The following SLC15A2 variants were observed in gnomAD, a reference collection of about 807,000 sequenced individuals.
SLC15A2 encodes kidney H(+)/peptide cotransporter.
SLC15A2 carries 77 observed loss-of-function variants against 95.5 expected under a neutral mutation model. The observed-to-expected ratio is 0.81, with a 90% confidence interval of 0.67 to 0.97. SLC15A2 has a LOEUF of 0.97. Among genes scored for constraint, SLC15A2 ranks in the 50% least tolerant of loss-of-function variants. The probability of loss-of-function intolerance (pLI) is 0.00; values close to 1 mark genes in which losing one functional copy is unlikely to be tolerated. For missense variants in SLC15A2, 893 were observed against 874.4 expected, an observed-to-expected ratio of 1.02 and a Z score of -0.27; for synonymous variants, 306 against 306.9, an observed-to-expected ratio of 1.00 and a Z score of 0.03.
At chr3:121,908,802 T>C (rs1709705998) in intron 3 of SLC15A2, among the ~76,000 whole-genome samples, 4 of 152,204 alleles carry the variant, frequency 2.6e-5, no homozygotes, top group African/African-American at 9.6e-5. Flanking sequence ...CATTAACTTG[T>C]TCATGATAAA....
intron 3 of SLC15A2, among the ~76,000 whole-genome samples, chr3:121,905,807 A>G (rs913425663): frequency 6.6e-6 from 1 of 152,218 alleles, no homozygotes; most frequent in Admixed American, 6.5e-5. Flanking sequence ...TGTGGTACTG[A>G]GAAGAATGTA....
intron 3 of SLC15A2, among the ~76,000 whole-genome samples, chr3:121,909,567 C>T (rs1433410956): frequency 2.0e-5 from 3 of 152,048 alleles, no homozygotes; most frequent in Non-Finnish European, 4.4e-5. Flanking sequence ...CCATTAGTTT[C>T]CTCTCTTATA....
intron 11 of SLC15A2, 65 bp from the exon 12 acceptor site, chr3:121,924,286 C>A: frequency 7.2e-7 from 1 of 1,391,134 alleles, no homozygotes; most frequent in Non-Finnish European, 1.0e-6. Flanking sequence ...AATTATTGAT[C>A]TAGGCCAACA....
intron 19 of SLC15A2, among the ~76,000 whole-genome samples, chr3:121,936,336 C>G (rs1390585237): frequency 2.0e-5 from 3 of 152,064 alleles, no homozygotes; most frequent in East Asian, 1.9e-4. Context: ...CTTTCTGTCT[C>G]TTTGATCTGT....
At chr3:121,905,676 C>A (rs1159303889) in intron 3 of SLC15A2, among the ~76,000 whole-genome samples, 1 of 152,114 alleles carries the variant, frequency 6.6e-6, no homozygotes, top group Non-Finnish European at 1.5e-5. Context: ...GTTTCTTAAT[C>A]CTGAGTTCTA....
intron 3 of SLC15A2, among the ~76,000 whole-genome samples, chr3:121,898,987 G>A (rs1709473045): frequency 6.6e-6 from 1 of 152,138 alleles, no homozygotes; most frequent in African/African-American, 2.4e-5. Flanking sequence ...TACATATGTA[G>A]TAGTAGTCAC....
intron 3 of SLC15A2, among the ~76,000 whole-genome samples, chr3:121,903,164 G>A (rs1012420198): frequency 6.6e-6 from 1 of 152,208 alleles, no homozygotes; most frequent in Admixed American, 6.5e-5. Context: ...TTTGAAAAGT[G>A]TCTGTTCATA....
intron 7 of SLC15A2, among the ~76,000 whole-genome samples, chr3:121,918,077 T>A (rs1299374023): frequency 6.6e-6 from 1 of 152,226 alleles, no homozygotes; most frequent in Non-Finnish European, 1.5e-5. Flanking sequence ...CAATGATGTT[T>A]CTATAATGTA....
chr3:121,900,993 T>A (rs1709509239), intron 3 of SLC15A2, among the ~76,000 whole-genome samples: 1 of 149,298 alleles, frequency 6.7e-6, no homozygotes, highest in African/African-American at 2.4e-5. Flanking sequence ...ATATAATATG[T>A]ATAATATATA....
rs369991905 is a variant in SLC15A2 at position 121,911,643 on chromosome 3, A to C, written c.405A>C (p.Ile135=). 2.3e-5 allele frequency: 37 copies of C among 1,612,514 alleles called. No individual in the cohort carries two copies. The highest frequency in any genetic ancestry group is 3.1e-5 in the Non-Finnish European group (36 of 1,178,608). The change falls in exon 4 of 22, where the codon ATA becomes ATC. Residue 135 remains isoleucine (I), a synonymous_variant. Coordinates refer to ENST00000489711, the MANE Select transcript of SLC15A2 (RefSeq NM_021082.4). The part of the protein sequence containing the change: ...HVIKSLGALP[I]LGGQVVHTVL... ...TCAAGTCCTTGGGTGCCTTACCAAT[A>C]CTGGGAGGACAAGTGGTACACACGT...
Position 121,894,859 on chromosome 3 carries a change from A to G in SLC15A2, c.105+278A>G, listed in dbSNP as rs909025608. On this transcript the variant is annotated intron_variant, in intron 1 of 21. Transcript: ENST00000489711. Reference sequence around the variant, plus strand: ...TCCCTGGGGGAAAAAAGCAATTCGAATGTCCAGGGAAACTTGGCAAGCATT... The same window carrying G: ...TCCCTGGGGGAAAAAAGCAATTCGAGTGTCCAGGGAAACTTGGCAAGCATT... Among the ~76,000 whole-genome samples, 5 of 152,284 alleles carry G rather than the reference A, an allele frequency of 3.3e-5. No individual in the cohort carries two copies. In the East Asian group the frequency reaches 9.6e-4, roughly 29 times the overall value.
At chr3:121,904,258 A>G (rs1316088211) in intron 3 of SLC15A2, among the ~76,000 whole-genome samples, 3 of 152,146 alleles carry the variant, frequency 2.0e-5, no homozygotes, top group Non-Finnish European at 2.9e-5. Context: ...GGGCTGAGAC[A>G]GTGGGGTTTT....
At chr3:121,925,775 TATATATAA>T (rs1159738357) in intron 13 of SLC15A2, among the ~76,000 whole-genome samples, 1,877 of 39,668 alleles carry the variant, frequency 0.047, 328 homozygotes, top group East Asian at 0.071. Flanking sequence ...TATATATATA[TATATATAA>T]AATACAACTA....
chr3:121,931,969 G>A (rs1167057347), intron 19 of SLC15A2, among the ~76,000 whole-genome samples: 5 of 151,976 alleles, frequency 3.3e-5, no homozygotes, highest in South Asian at 2.1e-4. Context: ...GCACCATCTC[G>A]ACTCACTGCA....
rs778695867 is a variant in SLC15A2 at position 121,929,032 on chromosome 3, T to A, written c.1392T>A (p.Phe464Leu). 1.2e-6 allele frequency: 2 copies of A among 1,614,128 alleles called. No homozygotes were observed. The highest frequency in any genetic ancestry group is 1.7e-5 in the Admixed American group (1 of 60,018). Reference sequence around the variant, plus strand: ...ACCTGAAAACAAAAAGCCAGGATTTTCACTTCCACCTGAAATATCACAATT... The same window carrying A: ...ACCTGAAAACAAAAAGCCAGGATTTACACTTCCACCTGAAATATCACAATT... ...KLHLKTKSQDFHFHLKYHNLS... is the reference protein window; with the variant it reads ...KLHLKTKSQDLHFHLKYHNLS... Residue 464 changes from phenylalanine (F) to leucine (L), a missense_variant, in exon 16 of 22, where the codon TTT becomes TTA. Transcript: ENST00000489711.
chr3:121,919,038 A>G (rs1709952274), intron 7 of SLC15A2, among the ~76,000 whole-genome samples: 1 of 152,196 alleles, frequency 6.6e-6, no homozygotes, highest in Non-Finnish European at 1.5e-5. Context: ...GACAAGGGGA[A>G]CACGGTGGCG....
rs199522806 is a variant in SLC15A2 at position 121,924,980 on chromosome 3, G to A, written c.1071G>A (p.Pro357=). The A allele has an allele frequency of 6.9e-5, 112 of 1,613,006 alleles. No homozygotes were observed. The highest frequency in any genetic ancestry group is 5.1e-4 in the East Asian group (23 of 44,862). ...LNPLLVLIFI[P]LFDFVIYRLV... ...CCCTTCTGGTTCTTATCTTCATCCC[G>A]TTGTTTGACTTTGTCATTTATCGTC... is the stretch of plus-strand genomic sequence containing the variant. Residue 357 remains proline (P), a synonymous_variant, in exon 13 of 22, where the codon CCG becomes CCA. Coordinates refer to ENST00000489711, the MANE Select transcript of SLC15A2 (RefSeq NM_021082.4).
intron 3 of SLC15A2, among the ~76,000 whole-genome samples, chr3:121,908,211 G>C (rs1460747064): frequency 4.6e-5 from 7 of 152,246 alleles, no homozygotes; most frequent in Admixed American, 4.6e-4. Context: ...TAATCTCCTG[G>C]TGTTCCGTTT....
In SLC15A2 at chr3:121,941,016, T is replaced by G. The variant is rs1451053926; in HGVS notation, c.*9T>G. 3.7e-6 allele frequency: 6 copies of G among 1,611,136 alleles called. No individual in the cohort carries two copies. The South Asian group carries it at 5.5e-5, about 15-fold the overall frequency. On this transcript the variant is annotated 3_prime_UTR_variant, in exon 22 of 22. Coordinates refer to ENST00000489711, the MANE Select transcript of SLC15A2 (RefSeq NM_021082.4). ...AGAAGACAAAACTCTGATGACTCCC[T>G]AGATTCTGTCCTGACCCCAATTCCT...
Sources: allele counts gnomAD v4.1 joint callset (sites outside exome capture counted in the v4.1 genomes callset), GRCh38; gene constraint gnomAD v4.1.1; transcripts MANE v1.5; gene names NCBI Gene and HGNC (gene_info 2026-07-23, HGNC 2026-07-21).